Variants in GSE1 observed in about 807,000 individuals in gnomAD.
GSE1 encodes the protein genetic suppressor element 1.
Under a neutral mutation model 112.6 loss-of-function variants are expected in GSE1, and 32 were observed. The ratio of observed to expected loss-of-function variants is 0.28; its 90% confidence interval spans 0.21 to 0.38. The LOEUF (loss-of-function observed/expected upper bound fraction) is 0.38, where lower values mean the gene tolerates loss of function less well. GSE1 is among the 10% of genes least tolerant of loss of function. The pLI, the probability that GSE1 is intolerant of heterozygous loss-of-function variation, is 1.00. For missense variants in GSE1, 2,348 were observed against 1,699.2 expected, an observed-to-expected ratio of 1.38 and a Z score of -6.71; for synonymous variants, 1,115 against 735.6, an observed-to-expected ratio of 1.52 and a Z score of -8.35.
chr16:85,308,815 T>C (rs1241328217), intron 1 of GSE1, among the ~76,000 whole-genome samples: 1 of 150,136 alleles, frequency 6.7e-6, no homozygotes, highest in African/African-American at 2.5e-5. Flanking sequence ...AGTTCAGCCT[T>C]CTCAGATCCA....
chr16:85,657,022 C>T (rs1053440799), intron 7 of GSE1, among the ~76,000 whole-genome samples: 1 of 152,236 alleles, frequency 6.6e-6, no homozygotes, highest in African/African-American at 2.4e-5. Flanking sequence ...CTCTTTGAGC[C>T]AGCATGAGCT....
intron 1 of GSE1, among the ~76,000 whole-genome samples, chr16:85,190,933 C>T (rs1251008582): frequency 6.6e-6 from 1 of 152,216 alleles, no homozygotes; most frequent in Non-Finnish European, 1.5e-5. Context: ...CTGACAGCTG[C>T]TTCTGTGTCA....
At chr16:85,633,606 G>A (rs1322053050) in intron 1 of GSE1, among the ~76,000 whole-genome samples, 3 of 152,188 alleles carry the variant, frequency 2.0e-5, no homozygotes, top group Non-Finnish European at 2.9e-5. Context: ...GTGATGCGTG[G>A]GATCCTCCAC....
At chr16:85,343,271 A>G (rs1242558385) in intron 1 of GSE1, among the ~76,000 whole-genome samples, 2 of 152,200 alleles carry the variant, frequency 1.3e-5, no homozygotes, top group East Asian at 3.9e-4. Flanking sequence ...GCACTGTGTG[A>G]TTCCATTTCC....
intron 1 of GSE1, among the ~76,000 whole-genome samples, chr16:85,626,587 C>T (rs2049086340): frequency 1.3e-5 from 2 of 152,216 alleles, no homozygotes; most frequent in African/African-American, 4.8e-5. Flanking sequence ...TGGGCCCAGC[C>T]TCACGGGGTG....
chr16:85,638,406 C>G (rs2050177473), intron 2 of GSE1, among the ~76,000 whole-genome samples: 1 of 152,228 alleles, frequency 6.6e-6, no homozygotes, highest in Admixed American at 6.5e-5. Context: ...TACTCACCTA[C>G]TCACTGCCGA....
rs576066825 is a variant in GSE1, at chr16:85,600,858, T to C, written c.37+44495T>C. On this transcript the variant is annotated intron_variant, in intron 1 of 2. Transcript: ENST00000635906. ...TGGGGACAGGAGGGCTGTTTGGCGCTGATGAGGGTTTGTGTCCTCCTAGGG... is the reference window on the plus strand; with the variant it reads ...TGGGGACAGGAGGGCTGTTTGGCGCCGATGAGGGTTTGTGTCCTCCTAGGG... 2.6e-3 allele frequency among the ~76,000 whole-genome samples: 392 copies of C among 152,170 alleles called. 1 individual carries two copies. Among genetic ancestry groups the C allele is most frequent in the African/African-American group, 9.0e-3 (372 of 41,514 alleles).
intron 1 of GSE1, among the ~76,000 whole-genome samples, chr16:85,183,210 C>A (rs1327332781): frequency 6.6e-6 from 1 of 152,232 alleles, no homozygotes; most frequent in East Asian, 1.9e-4. Flanking sequence ...TGTGTATGCA[C>A]ACACTCCCAC....
rs76111965 is a variant in GSE1 at position 85,271,195 on chromosome 16, C to T, written c.2284-86268C>T. 4.6e-3 allele frequency among the ~76,000 whole-genome samples: 704 copies of T among 152,196 alleles called. 4 individuals are homozygous for T. Among genetic ancestry groups the T allele is most frequent in the African/African-American group, 0.016 (660 of 41,528 alleles). On this transcript the variant is annotated intron_variant, in intron 1 of 2. Coordinates refer to the GSE1 transcript ENST00000637419. ...CCAGATCCCTCCTGTAGGTGGACCACGGAAGCATGTCTCTCACGGTGGGTC... is the reference window on the plus strand; with the variant it reads ...CCAGATCCCTCCTGTAGGTGGACCATGGAAGCATGTCTCTCACGGTGGGTC...
At position 85,655,908 on chromosome 16, in the gene GSE1, G is replaced by A. The variant is rs1466185387; in HGVS notation, c.980G>A (p.Ser327Asn). ...CACTCGGAGCGCATGTCTGGCCTCA[G>A]CGCGGAGAGGTAAGTGCGTCTCGAG... ...ALHSERMSGL[S>N]AERLQMDEEL... Residue 327 changes from serine (S) to asparagine (N), a missense_variant, in exon 6 of 16, where the codon AGC becomes AAC. Transcript: ENST00000253458. 5 of 1,602,582 alleles carry A rather than the reference G, an allele frequency of 3.1e-6. No individual in the cohort carries two copies. Among genetic ancestry groups the A allele is most frequent in the Non-Finnish European group, 4.2e-6 (5 of 1,179,410 alleles).
intron 2 of GSE1, among the ~76,000 whole-genome samples, chr16:85,439,788 CAT>C (rs2049334123): frequency 1.3e-5 from 2 of 152,072 alleles, no homozygotes; most frequent in African/African-American, 4.8e-5. Flanking sequence ...TGAGTGCACA[CAT>C]GTGCACAGAG....
intron 1 of GSE1, among the ~76,000 whole-genome samples, chr16:85,204,676 G>T (rs905461001): frequency 6.6e-6 from 1 of 152,262 alleles, no homozygotes; most frequent in African/African-American, 2.4e-5. Flanking sequence ...TGCCCGGACA[G>T]ACTGTGTCCT....
intron 2 of GSE1, among the ~76,000 whole-genome samples, chr16:85,482,993 A>ACAAAAC (rs574082996): frequency 3.3e-5 from 5 of 150,580 alleles, no homozygotes; most frequent in African/African-American, 1.2e-4. Context: ...AAAAAAAAAA[A>ACAAAAC]AAAATACCAA....
intron 1 of GSE1, chr16:85,306,159 G>C (rs1466413174): frequency 6.5e-6 from 1 of 154,210 alleles, no homozygotes; most frequent in Admixed American, 6.5e-5. Flanking sequence ...AGGAACTCCT[G>C]CTCTAGAAAG....
chr16:85,280,464 C>T (rs1168224150), intron 1 of GSE1, among the ~76,000 whole-genome samples: 2 of 152,148 alleles, frequency 1.3e-5, no homozygotes, highest in East Asian at 1.9e-4. Flanking sequence ...GGTGCAGTCT[C>T]GGCTCAGTGC....
At chr16:85,470,814 G>A (rs898528802) in intron 2 of GSE1, among the ~76,000 whole-genome samples, 7 of 152,152 alleles carry the variant, frequency 4.6e-5, no homozygotes, top group African/African-American at 1.2e-4. Context: ...TTTAATGAGC[G>A]GCGATTAAAA....
intron 3 of GSE1, 90 bp downstream of exon 3, chr16:85,648,841 G>C: frequency 9.8e-6 from 7 of 711,112 alleles, no homozygotes; most frequent in Non-Finnish European, 1.6e-5. Context: ...TTTCGAGGTT[G>C]AGTTTACATT....
At chr16:85,596,634 GAAATA>G (rs1241963289) in intron 1 of GSE1, among the ~76,000 whole-genome samples, 49 of 152,316 alleles carry the variant, frequency 3.2e-4, no homozygotes, top group African/African-American at 1.2e-3. Flanking sequence ...TTAAATTAAT[GAAATA>G]AAATCTAGAA....
chr16:85,614,266 G>A (rs1189536858), intron 1 of GSE1, among the ~76,000 whole-genome samples: 1 of 152,186 alleles, frequency 6.6e-6, no homozygotes, highest in Non-Finnish European at 1.5e-5. Context: ...GCGGCGAGTG[G>A]CCCGACCGAG....
Sources: allele counts gnomAD v4.1 joint callset (sites outside exome capture counted in the v4.1 genomes callset), GRCh38; gene constraint gnomAD v4.1.1; transcripts MANE v1.5; gene names NCBI Gene and HGNC (gene_info 2026-07-23, HGNC 2026-07-21).